The following SLC35F4 variants were observed in gnomAD, a reference collection of about 807,000 sequenced individuals.
SLC35F4 encodes chromosome 14 open reading frame 36.
Under a neutral mutation model 44.2 loss-of-function variants are expected in SLC35F4, and 24 were observed. The ratio of observed to expected loss-of-function variants is 0.54; its 90% CI spans 0.39 to 0.76. SLC35F4 has a LOEUF of 0.76. Ranked by LOEUF, SLC35F4 falls within the 30% of genes least tolerant of loss-of-function variation. The pLI, the probability that SLC35F4 is intolerant of heterozygous loss-of-function variation, is 0.00. For synonymous variants in SLC35F4, 238 were observed against 223.6 expected, an observed-to-expected ratio of 1.06 and a Z score of -0.57; for missense variants, 562 against 586.1, an observed-to-expected ratio of 0.96 and a Z score of 0.42.
In SLC35F4 at chr14:57,840,411, C is replaced by T. The variant is rs908368516; in HGVS notation, c.103+25312G>A. On this transcript the variant is annotated intron_variant, in intron 1 of 7. Transcript: ENST00000556826. Reference sequence around the variant, plus strand: ...TTGTCATAGAGACTATACCAAGTAGCTGAAAATAGAATGAACAACAAGCTT... The same window carrying T: ...TTGTCATAGAGACTATACCAAGTAGTTGAAAATAGAATGAACAACAAGCTT... 3.3e-5 allele frequency among the ~76,000 whole-genome samples: 5 copies of T among 152,078 alleles called. 1 individual carries two copies. The highest frequency in any genetic ancestry group is 2.0e-4 in the Admixed American group (3 of 15,274).
chr14:57,839,786 T>C (rs1381054530), intron 1 of SLC35F4, among the ~76,000 whole-genome samples: 2 of 152,122 alleles, frequency 1.3e-5, no homozygotes, highest in Admixed American at 1.3e-4. Flanking sequence ...ATGTACATGC[T>C]CAGGACACAG....
intron 1 of SLC35F4, among the ~76,000 whole-genome samples, chr14:57,841,280 C>G (rs1049694016): frequency 6.6e-6 from 1 of 152,128 alleles, no homozygotes; most frequent in Non-Finnish European, 1.5e-5. Flanking sequence ...TCCAGAAAAT[C>G]TCGTAGTAGG....
At chr14:57,578,175 C>A (rs1468124640) in intron 4 of SLC35F4, among the ~76,000 whole-genome samples, 1 of 151,678 alleles carries the variant, frequency 6.6e-6, no homozygotes, top group Non-Finnish European at 1.5e-5. Context: ...TAGGGAAGGC[C>A]ATAGCTTCTC....
At chr14:57,981,365 C>T (rs920866996) in intron 1 of SLC35F4, among the ~76,000 whole-genome samples, 16 of 152,208 alleles carry the variant, frequency 1.1e-4, no homozygotes, top group Non-Finnish European at 1.8e-4. Flanking sequence ...GAAATGGGTG[C>T]TTGGGTGCTT....
intron 1 of SLC35F4, among the ~76,000 whole-genome samples, chr14:57,684,076 G>A (rs554074304): frequency 6.6e-6 from 1 of 152,232 alleles, no homozygotes; most frequent in Non-Finnish European, 1.5e-5. Flanking sequence ...GGGCACTCAT[G>A]CCTCTCTATA....
intron 1 of SLC35F4, among the ~76,000 whole-genome samples, chr14:57,680,386 G>C (rs2074855428): frequency 6.6e-6 from 1 of 151,924 alleles, no homozygotes; most frequent in African/African-American, 2.4e-5. Context: ...AAATAATAAA[G>C]GCTATTGATG....
At chr14:57,782,980 A>G (rs1008776021) in intron 1 of SLC35F4, among the ~76,000 whole-genome samples, 1 of 152,140 alleles carries the variant, frequency 6.6e-6, no homozygotes, top group Non-Finnish European at 1.5e-5. Flanking sequence ...GGACAATTGT[A>G]AAAAAGGAAG....
intron 1 of SLC35F4, among the ~76,000 whole-genome samples, chr14:57,950,120 T>C (rs1232576785): frequency 6.6e-6 from 1 of 152,138 alleles, no homozygotes; most frequent in East Asian, 1.9e-4. Context: ...CTCAAATATG[T>C]TTTTCAAACT....
chr14:57,925,560 A>T (rs1889552504), intron 1 of SLC35F4, among the ~76,000 whole-genome samples: 1 of 148,568 alleles, frequency 6.7e-6, no homozygotes, highest in Admixed American at 6.7e-5. Context: ...GAAGGAAGGA[A>T]GGATGACAGG....
intron 1 of SLC35F4, chr14:57,595,658 C>A (rs925670148): frequency 1.3e-5 from 2 of 152,122 alleles, no homozygotes; most frequent in Non-Finnish European, 2.9e-5. Context: ...TATGATCAAA[C>A]CTGCATTGTT....
chr14:57,678,431 A>T (rs1450944622), intron 1 of SLC35F4, among the ~76,000 whole-genome samples: 1 of 152,094 alleles, frequency 6.6e-6, no homozygotes, highest in Non-Finnish European at 1.5e-5. Flanking sequence ...AATTGTAAAG[A>T]TCATCGATCC....
At chr14:57,895,592 C>A (rs1595274299) in intron 1 of SLC35F4, among the ~76,000 whole-genome samples, 1 of 151,902 alleles carries the variant, frequency 6.6e-6, no homozygotes, top group South Asian at 2.1e-4. Context: ...CTCTCTCTCT[C>A]TCTCTCTCTC....
chr14:57,903,239 C>T lies in SLC35F4; in HGVS notation n.282+78674G>A, dbSNP rs115154020. Among the ~76,000 whole-genome samples the T allele has an allele frequency of 5.0e-3, 756 of 152,148 alleles. 5 individuals are homozygous for T. Among genetic ancestry groups the T allele is most frequent in the African/African-American group, 0.017 (726 of 41,508 alleles). ...AATAAGGAAAAGTGGGAATTTGTAG[C>T]CAAGGAACAGGGGAAAGGGGATCAA... On this transcript the variant is annotated intron_variant and non_coding_transcript_variant, in intron 1 of 1. Transcript: ENST00000556568.
intron 1 of SLC35F4, among the ~76,000 whole-genome samples, chr14:57,636,629 G>A (rs918871604): frequency 7.9e-5 from 12 of 152,038 alleles, no homozygotes; most frequent in African/African-American, 2.9e-4. Flanking sequence ...CTTGCTATGG[G>A]TCAGGGATTG....
chr14:57,614,741 G>A (rs1403273198), intron 1 of SLC35F4, among the ~76,000 whole-genome samples: 1 of 152,184 alleles, frequency 6.6e-6, no homozygotes, highest in Non-Finnish European at 1.5e-5. Context: ...GCAACAGGGA[G>A]TGGTGGGTAT....
chr14:57,584,660 C>T (rs1373067969), intron 3 of SLC35F4, among the ~76,000 whole-genome samples: 2 of 152,128 alleles, frequency 1.3e-5, no homozygotes, highest in Non-Finnish European at 2.9e-5. Context: ...AGTGCTAAAT[C>T]AGATTTTACT....
upstream of SLC35F4, chr14:57,982,282 C>G (rs1881403961): frequency 6.6e-6 from 1 of 152,190 alleles, no homozygotes; most frequent in Non-Finnish European, 1.5e-5. Flanking sequence ...GCTTCCAGAA[C>G]CCCACCACAG....
intron 1 of SLC35F4, among the ~76,000 whole-genome samples, chr14:57,746,476 A>G (rs1016353514): frequency 2.0e-5 from 3 of 152,034 alleles, no homozygotes; most frequent in Admixed American, 6.6e-5. Context: ...GTGTAAATCA[A>G]CCTTGCATCT....
At chr14:57,697,788 T>C (rs1292714817) in intron 1 of SLC35F4, among the ~76,000 whole-genome samples, 2 of 152,218 alleles carry the variant, frequency 1.3e-5, no homozygotes, top group Non-Finnish European at 2.9e-5. Context: ...TGACATTTCC[T>C]TTTTATTCTT....
Sources: gnomAD v4.1 joint callset for allele counts (sites outside exome capture counted in the v4.1 genomes callset) on GRCh38, gnomAD v4.1.1 for gene constraint, MANE v1.5 for transcripts, NCBI Gene and HGNC (gene_info 2026-07-23, HGNC 2026-07-21) for gene names.